Variants in BCL11B observed in about 807,000 individuals in gnomAD.
BCL11B encodes the protein BCL11 transcription factor B.
A neutral mutation model predicts 49.9 loss-of-function variants in BCL11B; 8 were observed. The ratio of observed to expected loss-of-function variants is 0.16; its 90% CI spans 0.09 to 0.29. The LOEUF (loss-of-function observed/expected upper bound fraction) is 0.29, where lower values mean the gene tolerates loss of function less well. Among genes scored for constraint, BCL11B ranks in the 10% least tolerant of loss-of-function variants. The probability of loss-of-function intolerance (pLI) is 1.00; values close to 1 mark genes in which losing one functional copy is unlikely to be tolerated. For missense variants in BCL11B, 1,006 were observed against 1,351.0 expected (o/e 0.74, Z 4.00); for synonymous variants, 739 against 637.4 (o/e 1.16, Z -2.40).
At chr14:99,260,104 GGGA>G (rs1889293015) in intron 1 of BCL11B, among the ~76,000 whole-genome samples, 2 of 152,186 alleles carry the variant, frequency 1.3e-5, no homozygotes, top group South Asian at 2.1e-4. Flanking sequence ...TCTAATAAAT[GGGA>G]GGAGGATGTC....
At chr14:99,270,274 G>A (rs1020160904) in intron 1 of BCL11B, among the ~76,000 whole-genome samples, 2 of 151,952 alleles carry the variant, frequency 1.3e-5, no homozygotes, top group African/African-American at 4.8e-5. Flanking sequence ...GAGATAGAAA[G>A]ATGGATACGA....
Position 99,176,287 on chromosome 14 carries a change from C to A in BCL11B, c.641-92G>T, listed in dbSNP as rs1346474575. 1.5e-5 allele frequency: 18 copies of A among 1,224,608 alleles called. No individual in the cohort carries two copies. In the African/African-American group the frequency reaches 2.7e-4, roughly 18 times the overall value. The allele number at this position is 1,224,608 out of a possible 1,614,324, so 75.9% of individuals were successfully genotyped here. On this transcript the variant is annotated intron_variant, in intron 3 of 3. Coordinates refer to ENST00000357195, the MANE Select transcript of BCL11B (RefSeq NM_138576.4). ...AGGGCCACTGGCCTGGGGGACGCGG[C>A]CCGGGCTGATCCGGGATCCCAGTGC...
chr14:99,179,023 G>A (rs1361840796), intron 3 of BCL11B, among the ~76,000 whole-genome samples: 1 of 152,184 alleles, frequency 6.6e-6, no homozygotes, highest in Non-Finnish European at 1.5e-5. Context: ...GGCTATCAGA[G>A]GAAAATGCAG....
chr14:99,223,241 C>T (rs1370920209), intron 3 of BCL11B, among the ~76,000 whole-genome samples: 1 of 152,130 alleles, frequency 6.6e-6, no homozygotes, highest in Non-Finnish European at 1.5e-5. Flanking sequence ...TTCATTTTTC[C>T]CCATGGAAGA....
chr14:99,198,428 A>G (rs1887240789), intron 3 of BCL11B, among the ~76,000 whole-genome samples: 1 of 152,006 alleles, frequency 6.6e-6, no homozygotes, highest in Non-Finnish European at 1.5e-5. Context: ...TGTGCTTGAC[A>G]TTTTCCCACA....
chr14:99,232,651 G>A lies in BCL11B; in HGVS notation c.428-1094C>T, dbSNP rs1427305420. On this transcript the variant is annotated intron_variant, in intron 2 of 3. Transcript: ENST00000357195. This position sits in a 1 kb window ranked among gnomAD's most constrained non-coding sequence, Gnocchi z 5.1. Reference sequence around the variant, plus strand: ...GACCCTGCAAGCCACCAGGAGCCAGGAGCCTGTCAGTCTTCATTGGACTGA... The same window carrying A: ...GACCCTGCAAGCCACCAGGAGCCAGAAGCCTGTCAGTCTTCATTGGACTGA... Among the ~76,000 whole-genome samples the A allele has an allele frequency of 6.6e-6, 1 of 152,204 alleles. No homozygotes were observed. The highest frequency in any genetic ancestry group is 1.5e-5 in the Non-Finnish European group (1 of 68,030).
At chr14:99,244,141 C>T (rs531225592) in intron 2 of BCL11B, among the ~76,000 whole-genome samples, 1 of 152,222 alleles carries the variant, frequency 6.6e-6, no homozygotes, top group East Asian at 1.9e-4. Context: ...TTAGCCCAAA[C>T]ATACAGGGAG....
intron 3 of BCL11B, among the ~76,000 whole-genome samples, chr14:99,225,881 G>A (rs1038087129): frequency 2.0e-5 from 3 of 152,324 alleles, no homozygotes; most frequent in Middle Eastern, 3.4e-3. Flanking sequence ...ATGCTGGTAG[G>A]TGCCCCAACT....
At chr14:99,259,092 G>A (rs1342956931) in intron 1 of BCL11B, among the ~76,000 whole-genome samples, 6 of 152,180 alleles carry the variant, frequency 3.9e-5, no homozygotes, top group African/African-American at 1.4e-4. Context: ...GGAATTTTTC[G>A]AGAGCAAATG....
At chr14:99,266,260 CTGTTTT>C (rs1414700848) in intron 1 of BCL11B, among the ~76,000 whole-genome samples, 1 of 152,136 alleles carries the variant, frequency 6.6e-6, no homozygotes, top group East Asian at 1.9e-4. Context: ...ATTCATCAAG[CTGTTTT>C]AGGTACACGA....
At chr14:99,204,519 T>C (rs1383599462) in intron 3 of BCL11B, among the ~76,000 whole-genome samples, 1 of 152,068 alleles carries the variant, frequency 6.6e-6, no homozygotes, top group African/African-American at 2.4e-5. Context: ...CACTCCACAG[T>C]GCTCAGGGAG....
At chr14:99,215,813 G>C (rs1350172300) in intron 3 of BCL11B, among the ~76,000 whole-genome samples, 2 of 152,234 alleles carry the variant, frequency 1.3e-5, no homozygotes, top group African/African-American at 4.8e-5. Flanking sequence ...TTTTAGTGCA[G>C]TGATTCTGGA....
rs138660679 is a variant in BCL11B, at chr14:99,255,299, T to C, written c.427+2172A>G. Among the ~76,000 whole-genome samples, 7 of 151,308 alleles carry C rather than the reference T, an allele frequency of 4.6e-5. No individual in the cohort carries two copies. In the East Asian group the frequency reaches 1.4e-3, roughly 30 times the overall value. On this transcript the variant is annotated intron_variant, in intron 2 of 3. Coordinates refer to ENST00000357195, the MANE Select transcript of BCL11B (RefSeq NM_138576.4). ...AAGGGATTATTTTACATATTTCTTC[T>C]AGAATGAAGAAATCCATTCGTCCTG... is the stretch of plus-strand genomic sequence containing the variant.
chr14:99,264,588 AC>A (rs1381520937), intron 1 of BCL11B: 1 of 152,050 alleles, frequency 6.6e-6, no homozygotes, highest in Non-Finnish European at 1.5e-5. Context: ...GCTATTCAAC[AC>A]CCAAGCAAAT....
intron 1 of BCL11B, 74 bp downstream of exon 1, chr14:99,271,087 G>T: frequency 7.0e-7 from 1 of 1,425,466 alleles, no homozygotes; most frequent in East Asian, 3.0e-5. Context: ...CGGCTGTTCC[G>T]GGCTCGGTGT....
At chr14:99,266,859 CA>C (rs376779830) in intron 1 of BCL11B, among the ~76,000 whole-genome samples, 20 of 152,290 alleles carry the variant, frequency 1.3e-4, no homozygotes, top group African/African-American at 4.6e-4. Context: ...GAATGCAAAG[CA>C]ATCGAGATAG....
At position 99,231,946 on chromosome 14, in the gene BCL11B, C is replaced by T. The variant is rs746221625; in HGVS notation, c.428-389G>A. 3.3e-5 allele frequency among the ~76,000 whole-genome samples: 5 copies of T among 152,044 alleles called. No homozygotes were observed. Among genetic ancestry groups the T allele is most frequent in the Non-Finnish European group, 5.9e-5 (4 of 67,976 alleles). On this transcript the variant is annotated intron_variant, in intron 2 of 3. Transcript: ENST00000357195. The surrounding 1 kb of genome is among the most constrained non-coding windows in gnomAD (Gnocchi z 8.1). ...ATTTGGGGATTTGTTTCCAAAACTT[C>T]GGGCTACCCCTCCCTGGAAGAGCTG...
intron 3 of BCL11B, among the ~76,000 whole-genome samples, chr14:99,197,669 C>T (rs1240083837): frequency 1.3e-5 from 2 of 152,142 alleles, no homozygotes; most frequent in East Asian, 3.9e-4. Context: ...CTCTTCCTCG[C>T]TGCGTGAATA....
At chr14:99,246,349 C>G (rs1888836902) in intron 2 of BCL11B, among the ~76,000 whole-genome samples, 1 of 152,236 alleles carries the variant, frequency 6.6e-6, no homozygotes, top group Non-Finnish European at 1.5e-5. Flanking sequence ...CCCACCAAGG[C>G]ACAATCAACG....
Sources: allele counts gnomAD v4.1 joint callset (sites outside exome capture counted in the v4.1 genomes callset), GRCh38; gene constraint gnomAD v4.1.1; non-coding constraint Gnocchi (gnomAD v3.1); transcripts MANE v1.5; gene names NCBI Gene and HGNC (gene_info 2026-07-23, HGNC 2026-07-21).